EFCAB8: variants seen among roughly 807,000 people sequenced by gnomAD.
The protein encoded by EFCAB8 is EF-hand calcium-binding domain-containing protein 8.
Under a neutral mutation model 116.3 loss-of-function variants are expected in EFCAB8, and 100 were observed. The ratio of observed to expected loss-of-function variants is 0.86; its 90% CI spans 0.73 to 1.02. EFCAB8 has a LOEUF of 1.02. EFCAB8 is among the 50% of genes least tolerant of loss of function. The probability of loss-of-function intolerance (pLI) is 0.00; values close to 1 mark genes in which losing one functional copy is unlikely to be tolerated. For synonymous variants in EFCAB8, 558 were observed against 567.9 expected (o/e 0.98, Z 0.25); for missense variants, 1,320 against 1,416.9 (o/e 0.93, Z 1.10).
intron 5 of EFCAB8, among the ~76,000 whole-genome samples, chr20:32,881,922 C>A (rs1341553658): frequency 6.6e-6 from 1 of 152,156 alleles, no homozygotes; most frequent in African/African-American, 2.4e-5. Context: ...TAGAAATTAT[C>A]CCTGCCCAGG....
intron 22 of EFCAB8, among the ~76,000 whole-genome samples, chr20:32,938,598 GATATAA>G (rs1363634669): frequency 2.7e-5 from 4 of 149,522 alleles, no homozygotes; most frequent in Non-Finnish European, 3.0e-5. Context: ...AGGGTTGCTT[GATATAA>G]ATATACAAAA....
At chr20:32,865,574 G>A (rs1227713565) in intron 2 of EFCAB8, among the ~76,000 whole-genome samples, 2 of 151,978 alleles carry the variant, frequency 1.3e-5, no homozygotes, top group South Asian at 2.1e-4. Context: ...AAGGCAGGAG[G>A]ATCACCTGAG....
chr20:32,888,077 T>G (rs551206845), intron 6 of EFCAB8, among the ~76,000 whole-genome samples: 1 of 151,992 alleles, frequency 6.6e-6, no homozygotes, highest in Non-Finnish European at 1.5e-5. Flanking sequence ...TTTCTTTTTT[T>G]TTTTGAGACT....
intron 23 of EFCAB8, among the ~76,000 whole-genome samples, chr20:32,950,703 G>C (rs2146299342): frequency 6.6e-6 from 1 of 152,220 alleles, no homozygotes. Context: ...GCACCTGAAG[G>C]GAAAGGAATG....
chr20:32,872,552 C>T (rs1388704196), intron 3 of EFCAB8, among the ~76,000 whole-genome samples: 7 of 152,032 alleles, frequency 4.6e-5, no homozygotes, highest in African/African-American at 1.7e-4. Context: ...CTTTGGGATC[C>T]CAGCGAGCTG....
chr20:32,874,392 T>A lies in EFCAB8; in HGVS notation c.209-1534T>A, dbSNP rs546338581. 7.9e-5 allele frequency among the ~76,000 whole-genome samples: 12 copies of A among 152,148 alleles called. No homozygotes were observed. The East Asian group carries it at 1.6e-3, about 20-fold the overall frequency. On this transcript the variant is annotated intron_variant, in intron 3 of 26. Coordinates refer to ENST00000400522, the MANE Select transcript of EFCAB8 (RefSeq NM_001143967.2). ...CTCACGCCACTACACCTGGCTAATT[T>A]AAAAAATTTTTTTTGTAGATTGGGT...
At chr20:32,885,979 C>T (rs1260526592) in intron 6 of EFCAB8, among the ~76,000 whole-genome samples, 1 of 152,216 alleles carries the variant, frequency 6.6e-6, no homozygotes, top group Non-Finnish European at 1.5e-5. Context: ...CCCCAAGACT[C>T]CTGTGCTAGG....
chr20:32,873,725 T>G (rs1030136610), intron 3 of EFCAB8, among the ~76,000 whole-genome samples: 1 of 149,884 alleles, frequency 6.7e-6, no homozygotes, highest in Non-Finnish European at 1.5e-5. Context: ...TAGCAGGAAG[T>G]AGCTTGAACC....
intron 23 of EFCAB8, among the ~76,000 whole-genome samples, chr20:32,954,146 G>A (rs1019443337): frequency 2.6e-5 from 4 of 152,112 alleles, no homozygotes; most frequent in African/African-American, 9.7e-5. Context: ...CAAGTTTAAT[G>A]TCTATTTTTG....
intron 22 of EFCAB8, among the ~76,000 whole-genome samples, chr20:32,935,269 T>G (rs550002098): frequency 5.7e-4 from 81 of 141,852 alleles, no homozygotes; most frequent in African/African-American, 1.9e-3. Context: ...GATCCAATCT[T>G]GGCTCACTGC....
At chr20:32,949,145 C>T (rs112332971) in intron 23 of EFCAB8, among the ~76,000 whole-genome samples, 44 of 152,114 alleles carry the variant, frequency 2.9e-4, no homozygotes, top group Middle Eastern at 3.4e-3. Context: ...AAGATCAATA[C>T]AAAAAATCAA....
chr20:32,866,812 T>TCTTCCTTCCTTCCTTCCCTC (rs1221169269), intron 2 of EFCAB8, among the ~76,000 whole-genome samples: 1 of 124,564 alleles, frequency 8.0e-6, no homozygotes. Context: ...TCCCTCCCTC[T>TCTTCCTTCCTTCCTTCCCTC]CTTCCTTCCT....
intron 5 of EFCAB8, among the ~76,000 whole-genome samples, chr20:32,885,222 G>A (rs1266237140): frequency 1.3e-5 from 2 of 152,198 alleles, no homozygotes; most frequent in Non-Finnish European, 2.9e-5. Context: ...GAGGAGGCTG[G>A]CTGGCTACTT....
At chr20:32,915,865 G>T (rs895469858) in intron 17 of EFCAB8, among the ~76,000 whole-genome samples, 1 of 152,006 alleles carries the variant, frequency 6.6e-6, no homozygotes, top group East Asian at 1.9e-4. Context: ...TAGAGACAGG[G>T]TTTCATCATG....
At chr20:32,893,814 A>G (rs568335165) in intron 9 of EFCAB8, among the ~76,000 whole-genome samples, 1 of 152,116 alleles carries the variant, frequency 6.6e-6, no homozygotes, top group South Asian at 2.1e-4. Context: ...CCCCTTGCTG[A>G]GCGCTTTGCA....
intron 18 of EFCAB8, 39 bp from the exon 19 acceptor site, chr20:32,918,323 C>T: frequency 6.5e-7 from 1 of 1,543,120 alleles, no homozygotes; most frequent in Non-Finnish European, 8.8e-7. Flanking sequence ...ACCTCTACGA[C>T]ATTGCAGTGC....
At chr20:32,944,908 T>C (rs922240129) in intron 23 of EFCAB8, among the ~76,000 whole-genome samples, 2 of 151,824 alleles carry the variant, frequency 1.3e-5, no homozygotes, top group African/African-American at 4.8e-5. Flanking sequence ...TTTGTCCCTT[T>C]CTCTCTCTCT....
chr20:32,860,410 A>G (rs757751108), intron 1 of EFCAB8, among the ~76,000 whole-genome samples: 1 of 150,516 alleles, frequency 6.6e-6, no homozygotes, highest in African/African-American at 2.5e-5. Flanking sequence ...TGGCAATAAT[A>G]CTACTGAAGC....
At chr20:32,925,304 C>T (rs1275194971) in intron 20 of EFCAB8, among the ~76,000 whole-genome samples, 1 of 152,178 alleles carries the variant, frequency 6.6e-6, no homozygotes. Context: ...ACTGCCACCT[C>T]TGTCTCCTGG....
Sources: gnomAD v4.1 joint callset for allele counts (sites outside exome capture counted in the v4.1 genomes callset) on GRCh38, gnomAD v4.1.1 for gene constraint, MANE v1.5 for transcripts, NCBI Gene and HGNC (gene_info 2026-07-23, HGNC 2026-07-21) for gene names.